Variants in CXCL12 observed in about 807,000 individuals in gnomAD.
CXCL12 encodes the protein stromal cell-derived factor 1.
In CXCL12, 4 loss-of-function variants were observed where a neutral mutation model predicts 10.7. The observed-to-expected ratio is 0.37, with a 90% CI of 0.18 to 0.86. The LOEUF is 0.86. CXCL12 is among the 40% of genes least tolerant of loss of function. The pLI is 0.43. For missense variants in CXCL12, 122 were observed against 110.4 expected (o/e 1.10, Z -0.47); for synonymous variants, 54 against 45.4 (o/e 1.19, Z -0.77).
chr10:44,377,887 T>C lies in CXCL12; in HGVS notation c.*746A>G. 1 of 1,573,272 alleles carries C rather than the reference T, an allele frequency of 6.4e-7. No homozygotes were observed. The highest frequency in any genetic ancestry group is 8.6e-7 in the Non-Finnish European group (1 of 1,168,020). ...CCCCAGCAATCACCCTCTTCCCGGCTGGTGCGGCGCTGATCAGGCTACAGA... is the reference window on the plus strand; with the variant it reads ...CCCCAGCAATCACCCTCTTCCCGGCCGGTGCGGCGCTGATCAGGCTACAGA... On this transcript the variant is annotated 3_prime_UTR_variant, in exon 3 of 3. Transcript: ENST00000343575.
At chr10:44,383,206 G>C (rs1839684532) in intron 1 of CXCL12, among the ~76,000 whole-genome samples, 1 of 152,190 alleles carries the variant, frequency 6.6e-6, no homozygotes, top group Non-Finnish European at 1.5e-5. Context: ...GGGGCACATA[G>C]GCACTGTGAG....
At chr10:44,381,426 C>A (rs552410795) in intron 1 of CXCL12, among the ~76,000 whole-genome samples, 115 of 152,256 alleles carry the variant, frequency 7.6e-4, no homozygotes, top group Non-Finnish European at 1.0e-3. Flanking sequence ...ACCTAAAGCT[C>A]TGGAAGGCAC....
intron 1 of CXCL12, among the ~76,000 whole-genome samples, chr10:44,381,978 T>C (rs1186667522): frequency 1.3e-5 from 2 of 152,156 alleles, no homozygotes; most frequent in African/African-American, 2.4e-5. Flanking sequence ...TAGGAGGAAA[T>C]CTTGAGTAAG....
rs776598583 is a variant in CXCL12 at position 44,377,509 on chromosome 10, A to C, written c.*1124T>G. 2.2e-6 allele frequency: 3 copies of C among 1,377,668 alleles called. No homozygotes were observed. Among genetic ancestry groups the C allele is most frequent in the South Asian group, 1.6e-5 (1 of 62,780 alleles). 85.3% of individuals were successfully genotyped at this position (1,377,668 alleles called of 1,614,324 possible). The stretch of plus-strand genomic sequence containing the variant: ...TGCATGGAAATGTCACCTTGCCAAC[A>C]GTTCTGATTGGAACCTGAAACCCTG... On this transcript the variant is annotated 3_prime_UTR_variant, in exon 3 of 3. Transcript: ENST00000343575.
At chr10:44,373,433 C>T, downstream of CXCL12, 1 of 1,171,558 alleles carries the variant, frequency 8.5e-7, no homozygotes, top group East Asian at 2.5e-5. Flanking sequence ...CGCGGAGGCC[C>T]TGGGGCCAAT....
chr10:44,378,241 C>G lies in CXCL12; in HGVS notation c.*392G>C, dbSNP rs757194818. The G allele has an allele frequency of 1.4e-6, 2 of 1,460,660 alleles. No homozygotes were observed. Among genetic ancestry groups the G allele is most frequent in the South Asian group, 2.4e-5 (2 of 84,818 alleles). The allele number at this position is 1,460,660 out of a possible 1,614,324, so 90.5% of individuals were successfully genotyped here. On this transcript the variant is annotated 3_prime_UTR_variant, in exon 3 of 3. Coordinates refer to ENST00000343575, the MANE Select transcript of CXCL12 (RefSeq NM_199168.4). ...AGGGGAGCAGAGGAGATGCTCCAAA[C>G]AAGCCAAATTCAGATCTTGAAGTAC...
intron 1 of CXCL12, 148 bp from the exon 2 acceptor site, chr10:44,381,028 G>T: frequency 2.7e-6 from 2 of 737,058 alleles, no homozygotes; most frequent in Non-Finnish European, 4.9e-6. Flanking sequence ...TGTTGGGAAA[G>T]GCCATCTCCT....
At chr10:44,375,058 T>A (rs1282132734), downstream of CXCL12, among the ~76,000 whole-genome samples, 1 of 152,178 alleles carries the variant, frequency 6.6e-6, no homozygotes, top group African/African-American at 2.4e-5. Flanking sequence ...GCCCTGCAGC[T>A]GGAGCACACG....
rs761209831 is a variant in CXCL12, at chr10:44,377,817, G to C, written c.*816C>G. 3.8e-6 allele frequency: 6 copies of C among 1,597,072 alleles called. No homozygotes were observed. The highest frequency in any genetic ancestry group is 1.3e-5 in the African/African-American group (1 of 74,916). ...CAAAGACGGATCTCACAGAGGGCCC[G>C]AGCTGTGGGGCAGGCCCTGGGAGGA... On this transcript the variant is annotated 3_prime_UTR_variant, in exon 3 of 3. Transcript: ENST00000343575.
Position 44,380,795 on chromosome 10 carries a change from A to G in CXCL12, c.147T>C (p.Ile49=), listed in dbSNP as rs368300327. The G allele has an allele frequency of 1.2e-6, 2 of 1,614,056 alleles. No individual in the cohort carries two copies. The highest frequency in any genetic ancestry group is 2.7e-5 in the African/African-American group (2 of 74,922). The change falls in exon 2 of 3, where the codon ATT becomes ATC. Residue 49 remains isoleucine (I), a synonymous_variant. Coordinates refer to ENST00000343575, the MANE Select transcript of CXCL12 (RefSeq NM_199168.4). ...VARANVKHLK[I]LNTPNCALQI... ...GAAGGGCACAGTTTGGAGTGTTGAG[A>G]ATTTTGAGATGCTTGACGTTGGCTC...
At chr10:44,379,327 G>T (rs1354706375) in intron 2 of CXCL12, among the ~76,000 whole-genome samples, 1 of 151,954 alleles carries the variant, frequency 6.6e-6, no homozygotes, top group Non-Finnish European at 1.5e-5. Flanking sequence ...TTTCTAGAAA[G>T]ATTTTACAAG....
At position 44,380,749 on chromosome 10, in the gene CXCL12, A is replaced by G. The variant is rs1262942152; in HGVS notation, c.179+14T>C. 6 of 1,598,356 alleles carry G rather than the reference A, an allele frequency of 3.8e-6. No homozygotes were observed. The highest frequency in any genetic ancestry group is 5.1e-6 in the Non-Finnish European group (6 of 1,165,508). On this transcript the variant is annotated intron_variant, in intron 2 of 2. Transcript: ENST00000343575. ...AACTATGTTCGTTAGATGATGTTCA[A>G]TTTCAAGACTTACACAATCTGAAGG...
At position 44,384,926 on chromosome 10, in the gene CXCL12, C is replaced by G. The variant is rs1839753307; in HGVS notation, c.61+19G>C. ...GAAGCCCAGAGCCTCGCCAGGGCCTCCCCGCCGAGCGCACTTACCGTCGCT... is the reference window on the plus strand; with the variant it reads ...GAAGCCCAGAGCCTCGCCAGGGCCTGCCCGCCGAGCGCACTTACCGTCGCT... On this transcript the variant is annotated intron_variant, in intron 1 of 2. Transcript: ENST00000343575. The G allele has an allele frequency of 6.5e-7, 1 of 1,545,838 alleles. No homozygotes were observed. The highest frequency in any genetic ancestry group is 8.7e-7 in the Non-Finnish European group (1 of 1,155,590).
At chr10:44,384,884 T>C in intron 1 of CXCL12, 61 bp downstream of exon 1, 1 of 1,485,750 alleles carries the variant, frequency 6.7e-7, no homozygotes, top group Middle Eastern at 2.3e-4. Flanking sequence ...GCCGCGGCTC[T>C]GCGCCGGGCG....
chr10:44,375,904 A>C, downstream of CXCL12: 4 of 1,608,996 alleles, frequency 2.5e-6, no homozygotes, highest in Non-Finnish European at 3.4e-6. Context: ...CGCCGAGAGC[A>C]AGTGAACTGT....
At position 44,385,081 on chromosome 10, in the gene CXCL12, G is replaced by T. The variant is rs994392806; in HGVS notation, c.-76C>A. 8.7e-7 allele frequency: 1 copy of T among 1,155,546 alleles called. No homozygotes were observed. Among genetic ancestry groups the T allele is most frequent in the Non-Finnish European group, 1.2e-6 (1 of 857,722 alleles). The allele number at this position is 1,155,546 out of a possible 1,614,324, so 71.6% of individuals were successfully genotyped here. A position where few individuals can be genotyped will look rare whatever the true frequency, so the allele number is the denominator to read the frequency against. On this transcript the variant is annotated 5_prime_UTR_variant, in exon 1 of 3. Transcript: ENST00000343575. The stretch of plus-strand genomic sequence containing the variant: ...CGCCGAGCGGGCAATGCGGCTGACG[G>T]AGAGTGAAAGTGCGGCGGTGGGAGG...
rs776308028 is a variant in CXCL12 at position 44,378,662 on chromosome 10, C to G, written c.241G>C (p.Glu81Gln). Residue 81 changes from glutamate (E) to glutamine (Q), a missense_variant, in exon 3 of 3, where the codon GAG becomes CAG. Glu to Gln is a conservative substitution (Grantham distance 29, BLOSUM62 2). Coordinates refer to ENST00000343575, the MANE Select transcript of CXCL12 (RefSeq NM_199168.4). ...TTGTTTAAAGCTTTCTCCAGGTACT[C>G]CTGAATCCACTTTAGCTTCGGGTCA... Reference protein sequence around the residue: ...CIDPKLKWIQEYLEKALNK With the variant: ...CIDPKLKWIQQYLEKALNK 1.2e-6 allele frequency: 2 copies of G among 1,614,212 alleles called. No homozygotes were observed. The highest frequency in any genetic ancestry group is 1.7e-6 in the Non-Finnish European group (2 of 1,180,050).
At chr10:44,384,008 A>AAAC (rs1839718528) in intron 1 of CXCL12, among the ~76,000 whole-genome samples, 1 of 152,226 alleles carries the variant, frequency 6.6e-6, no homozygotes, top group Non-Finnish European at 1.5e-5. Flanking sequence ...GTGTCCTGTG[A>AAAC]CAGCGCAGCG....
In CXCL12 at chr10:44,378,441, C is replaced by A; in HGVS notation, c.*192G>T. Reference sequence around the variant, plus strand: ...ATGAATATAAGCTGCAATATCATACCGTATGCTATAAATGCAGGGTCTAAA... The same window carrying A: ...ATGAATATAAGCTGCAATATCATACAGTATGCTATAAATGCAGGGTCTAAA... On this transcript the variant is annotated 3_prime_UTR_variant, in exon 3 of 3. Coordinates refer to ENST00000343575, the MANE Select transcript of CXCL12 (RefSeq NM_199168.4). 1.3e-6 allele frequency: 2 copies of A among 1,542,698 alleles called. No homozygotes were observed.
Sources: allele counts gnomAD v4.1 joint callset (sites outside exome capture counted in the v4.1 genomes callset), GRCh38; gene constraint gnomAD v4.1.1; transcripts MANE v1.5; gene names NCBI Gene and HGNC (gene_info 2026-07-23, HGNC 2026-07-21).